Variants in ZNF578 observed in about 807,000 individuals in gnomAD.
The protein encoded by ZNF578 is Putative chemokine-related protein B42.
Under a neutral mutation model 8.3 loss-of-function variants are expected in ZNF578, and 8 were observed. The ratio of observed to expected loss-of-function variants is 0.96; its 90% CI spans 0.56 to 1.74. The LOEUF (loss-of-function observed/expected upper bound fraction) is 1.74. ZNF578 is among the 40% of genes most tolerant of loss of function. The probability of loss-of-function intolerance (pLI) is 0.00; values close to 1 mark genes in which losing one functional copy is unlikely to be tolerated. For synonymous variants in ZNF578, 206 were observed against 232.2 expected, an observed-to-expected ratio of 0.89 and a Z score of 1.03; for missense variants, 726 against 707.5, an observed-to-expected ratio of 1.03 and a Z score of -0.30.
At chr19:52,464,758 G>A (rs1599882873) in intron 2 of ZNF578, among the ~76,000 whole-genome samples, 1 of 152,224 alleles carries the variant, frequency 6.6e-6, no homozygotes, top group African/African-American at 2.4e-5. Context: ...TTGACAAACT[G>A]TGTGACTGTT....
intron 2 of ZNF578, among the ~76,000 whole-genome samples, chr19:52,482,637 A>G (rs1371232660): frequency 1.3e-5 from 2 of 151,032 alleles, no homozygotes; most frequent in Non-Finnish European, 3.0e-5. Flanking sequence ...GACTGCATTG[A>G]AAAAAAAATT....
At chr19:52,464,380 A>G (rs1393806968) in intron 2 of ZNF578, among the ~76,000 whole-genome samples, 1 of 152,238 alleles carries the variant, frequency 6.6e-6, no homozygotes, top group Non-Finnish European at 1.5e-5. Context: ...GAGATTAGAC[A>G]TAGCATAAGT....
At chr19:52,493,860 C>T (rs866164676) in intron 3 of ZNF578, among the ~76,000 whole-genome samples, 34 of 151,868 alleles carry the variant, frequency 2.2e-4, no homozygotes, top group African/African-American at 4.4e-4. Flanking sequence ...CGCGGTTGCA[C>T]ATGCCTGTAA....
chr19:52,461,895 T>C (rs4802952), intron 2 of ZNF578, among the ~76,000 whole-genome samples: 137,095 of 152,178 alleles, frequency 0.9, 62,300 homozygotes, highest in Non-Finnish European at 0.96. Context: ...GTGGTCCGGC[T>C]GTACCAAAAT....
rs532140264 is a variant in ZNF578 at position 52,489,671 on chromosome 19, CT to C, written c.-121-1641del. Among the ~76,000 whole-genome samples, 693 of 146,880 alleles carry C rather than the reference CT, an allele frequency of 4.7e-3. 8 individuals carry two copies. In the Middle Eastern group the frequency reaches 0.053, roughly 11 times the overall value. On this transcript the variant is annotated intron_variant, in intron 2 of 5. Transcript: ENST00000421239. ...AGTCAACACCCATGGAGAAATTCTT[CT>C]TTTTTTTTTTTCTCACTGTGTTGCC... is the stretch of plus-strand genomic sequence containing the variant.
intron 2 of ZNF578, among the ~76,000 whole-genome samples, chr19:52,476,630 G>A (rs780423600): frequency 6.6e-5 from 10 of 152,108 alleles, no homozygotes; most frequent in Admixed American, 2.0e-4. Flanking sequence ...ATCCCATGCC[G>A]TAAGTCTCAG....
At chr19:52,460,585 C>T (rs1017881014) in intron 2 of ZNF578, among the ~76,000 whole-genome samples, 16 of 152,100 alleles carry the variant, frequency 1.1e-4, no homozygotes, top group South Asian at 2.1e-4. Flanking sequence ...TCTCCCATTC[C>T]GTAGGTTTGC....
chr19:52,493,773 C>CT (rs1258359167), intron 3 of ZNF578, among the ~76,000 whole-genome samples: 2 of 151,178 alleles, frequency 1.3e-5, no homozygotes. Flanking sequence ...GGCAGATCAC[C>CT]TGAGGTCCCG....
chr19:52,510,972 T>C lies in ZNF578; in HGVS notation c.591T>C (p.Ser197=), dbSNP rs1316982128. The C allele has an allele frequency of 2.5e-6, 4 of 1,614,068 alleles. No homozygotes were observed. The highest frequency in any genetic ancestry group is 2.5e-6 in the Non-Finnish European group (3 of 1,180,042). ...ASSISTSQRI[S]CRPETHTPNN... ...CAATTTCAACATCCCAAAGAATTTC[T>C]TGTAGGCCTGAAACACATACTCCTA... Residue 197 remains serine, a synonymous_variant, in exon 6 of 6, where the codon TCT becomes TCC. Transcript: ENST00000421239.
chr19:52,461,976 C>G (rs894269557), intron 2 of ZNF578, among the ~76,000 whole-genome samples: 1 of 152,208 alleles, frequency 6.6e-6, no homozygotes, highest in South Asian at 2.1e-4. Context: ...AGTATAGATC[C>G]TGTTTTAGTT....
chr19:52,515,627 G>T lies in ZNF578; in HGVS notation c.*3473G>T, dbSNP rs1196360691. Among the ~76,000 whole-genome samples, 2 of 152,024 alleles carry T rather than the reference G, an allele frequency of 1.3e-5. No individual in the cohort carries two copies. The highest frequency in any genetic ancestry group is 2.4e-5 in the African/African-American group (1 of 41,380). The stretch of plus-strand genomic sequence containing the variant: ...TGTCTTCCGATCTGAGCCCCAGTGA[G>T]CCTCCCTGCAACTTGGCGACGAGGG... On this transcript the variant is annotated 3_prime_UTR_variant, in exon 6 of 6. Coordinates refer to ENST00000421239, the MANE Select transcript of ZNF578 (RefSeq NM_001099694.2).
At chr19:52,506,850 C>T (rs111545279) in intron 5 of ZNF578, among the ~76,000 whole-genome samples, 3,625 of 152,282 alleles carry the variant, frequency 0.024, 148 homozygotes, top group African/African-American at 0.084. Context: ...ATAAGTTTTA[C>T]AGGACAGACT....
Position 52,510,708 on chromosome 19 carries a change from T to A in ZNF578, c.327T>A (p.Asp109Glu), listed in dbSNP as rs764462460. The A allele has an allele frequency of 1.1e-5, 18 of 1,612,630 alleles. No homozygotes were observed. Among genetic ancestry groups the A allele is most frequent in the Non-Finnish European group, 1.5e-5 (18 of 1,179,636 alleles). Reference sequence around the variant, plus strand: ...TTTGCTTCCAGGAAATTGAAAAAGATATTCATGACTTTGAGTTTCAGTCAC... The same window carrying A: ...TTTGCTTCCAGGAAATTGAAAAAGAAATTCATGACTTTGAGTTTCAGTCAC... ...GDFCFQEIEK[D>E]IHDFEFQSQK... The change falls in exon 6 of 6, where the codon GAT becomes GAA. Residue 109 changes from aspartate (D) to glutamate (E), a missense_variant. Coordinates refer to ENST00000421239, the MANE Select transcript of ZNF578 (RefSeq NM_001099694.2).
intron 3 of ZNF578, among the ~76,000 whole-genome samples, chr19:52,499,156 G>C (rs535086546): frequency 6.6e-6 from 1 of 152,156 alleles, no homozygotes; most frequent in Non-Finnish European, 1.5e-5. Context: ...TAGAGGTGAG[G>C]AATAAGATCA....
chr19:52,459,423 A>G (rs897004480), intron 2 of ZNF578, among the ~76,000 whole-genome samples: 2 of 152,112 alleles, frequency 1.3e-5, no homozygotes, highest in African/African-American at 4.8e-5. Flanking sequence ...AGCATATGAC[A>G]GGATTTTCTC....
chr19:52,476,078 A>G lies in ZNF578; in HGVS notation c.-121-15246A>G, dbSNP rs118151059. 2.3e-3 allele frequency among the ~76,000 whole-genome samples: 343 copies of G among 151,922 alleles called. 1 individual carries two copies. Among genetic ancestry groups the G allele is most frequent in the South Asian group, 9.5e-3 (46 of 4,822 alleles). On this transcript the variant is annotated intron_variant, in intron 2 of 5. Coordinates refer to ENST00000421239, the MANE Select transcript of ZNF578 (RefSeq NM_001099694.2). ...TAGAAGGCACAGAGAAAGCAAATTG[A>G]GGCTTATCCTTCTTATGTAAGGGTA... is the stretch of plus-strand genomic sequence containing the variant.
chr19:52,459,709 A>AGATATGTGTG (rs2059250495), intron 2 of ZNF578, among the ~76,000 whole-genome samples: 2 of 37,476 alleles, frequency 5.3e-5, no homozygotes, highest in African/African-American at 2.7e-4. Context: ...GTGTATATGT[A>AGATATGTGTG]GATATGTGTG....
intron 2 of ZNF578, chr19:52,475,173 G>T: frequency 8.8e-6 from 2 of 228,070 alleles, no homozygotes. Flanking sequence ...ATTATGTCAT[G>T]GTTACCAAGG....
At chr19:52,461,226 T>A (rs1432564012) in intron 2 of ZNF578, among the ~76,000 whole-genome samples, 1 of 152,204 alleles carries the variant, frequency 6.6e-6, no homozygotes, top group Non-Finnish European at 1.5e-5. Context: ...TTCCCAATGA[T>A]GTTCAGTAGC....
Sources: gnomAD v4.1 joint callset for allele counts (sites outside exome capture counted in the v4.1 genomes callset) on GRCh38, gnomAD v4.1.1 for gene constraint, MANE v1.5 for transcripts, NCBI Gene and HGNC (gene_info 2026-07-23, HGNC 2026-07-21) for gene names.